Variants in ECPAS observed in about 807,000 individuals in gnomAD.
The protein encoded by ECPAS is Ecm29 proteasome adaptor and scaffold, also known as proteasome adapter and scaffold protein ECM29.
Under a neutral mutation model 255.1 loss-of-function variants are expected in ECPAS, and 70 were observed. That is an observed-to-expected ratio of 0.27 (90% CI 0.23 to 0.33). The LOEUF (loss-of-function observed/expected upper bound fraction) is 0.33. Ranked by LOEUF, ECPAS falls within the 10% of genes least tolerant of loss-of-function variation. The pLI is 1.00. For synonymous variants in ECPAS, 784 were observed against 775.0 expected, an observed-to-expected ratio of 1.01 and a Z score of -0.19; for missense variants, 1,817 against 2,206.4, an observed-to-expected ratio of 0.82 and a Z score of 3.54.
At chr9:111,366,436 T>A (rs2098120407) in intron 47 of ECPAS, 86 bp downstream of exon 47, 2 of 1,297,954 alleles carry the variant, frequency 1.5e-6, no homozygotes, top group Admixed American at 3.9e-5. Context: ...AGCTACCAGT[T>A]TTTAAATGTA....
rs976311065 is a variant in ECPAS, at chr9:111,381,993, C to T, written c.3803+1218G>A. On this transcript the variant is annotated intron_variant, in intron 35 of 49. Coordinates refer to ENST00000684092, the MANE Select transcript of ECPAS (RefSeq NM_001364929.1). Reference sequence around the variant, plus strand: ...AGATCTACAGGCTAAACTGAGTTCACGTTCAATTTTGTAAAACACACACAC... The same window carrying T: ...AGATCTACAGGCTAAACTGAGTTCATGTTCAATTTTGTAAAACACACACAC... 2.6e-4 allele frequency among the ~76,000 whole-genome samples: 38 copies of T among 146,428 alleles called. 1 individual carries two copies. Among genetic ancestry groups the T allele is most frequent in the Non-Finnish European group, 4.1e-4 (28 of 67,534 alleles).
At chr9:111,365,547 T>A (rs2098119424) in intron 48 of ECPAS, 1 of 152,086 alleles carries the variant, frequency 6.6e-6, no homozygotes. Context: ...ACACTTGTAA[T>A]CCCAGCTACT....
chr9:111,468,044 T>C (rs548248621), intron 2 of ECPAS, among the ~76,000 whole-genome samples: 1 of 152,008 alleles, frequency 6.6e-6, no homozygotes, highest in Non-Finnish European at 1.5e-5. Flanking sequence ...TCCCAGCTAC[T>C]AGGAAGGATG....
At chr9:111,423,142 C>T in intron 13 of ECPAS, 57 bp downstream of exon 13, 1 of 1,158,926 alleles carries the variant, frequency 8.6e-7, no homozygotes, top group East Asian at 2.6e-5. Flanking sequence ...TTAAATGCCA[C>T]ATAATTTTTC....
intron 24 of ECPAS, among the ~76,000 whole-genome samples, chr9:111,401,701 G>A (rs943884674): frequency 2.0e-5 from 3 of 152,062 alleles, no homozygotes; most frequent in Non-Finnish European, 2.9e-5. Context: ...TAGACCTCCC[G>A]CCAGGAATGC....
At chr9:111,428,242 A>T in intron 9 of ECPAS, 81 bp from the exon 10 acceptor site, 1 of 1,365,660 alleles carries the variant, frequency 7.3e-7, no homozygotes, top group Non-Finnish European at 1.0e-6. Context: ...CATCTTAATC[A>T]GTGGTCTCTC....
rs776855162 is a variant in ECPAS, at chr9:111,363,570, G to A, written c.5380+18C>T. 7.3e-6 allele frequency: 11 copies of A among 1,500,030 alleles called. No individual in the cohort carries two copies. The South Asian group carries it at 1.3e-4, about 17-fold the overall frequency. The allele number at this position is 1,500,030 out of a possible 1,614,324, so 92.9% of individuals were successfully genotyped here. A position where few individuals can be genotyped will look rare whatever the true frequency, so the allele number is the denominator to read the frequency against. On this transcript the variant is annotated intron_variant, in intron 49 of 49. Transcript: ENST00000684092. Reference sequence around the variant, plus strand: ...ACATGGCTTTATGGTCCCCCAGTCAGAACTAACAACAACTTACCTTCAAGT... The same window carrying A: ...ACATGGCTTTATGGTCCCCCAGTCAAAACTAACAACAACTTACCTTCAAGT...
chr9:111,378,205 C>A (rs2098135825), intron 36 of ECPAS, among the ~76,000 whole-genome samples: 1 of 151,986 alleles, frequency 6.6e-6, no homozygotes, highest in African/African-American at 2.4e-5. Context: ...CAGGTGACTC[C>A]ATTACACCTA....
At chr9:111,367,010 C>T (rs2098121159) in intron 46 of ECPAS, among the ~76,000 whole-genome samples, 1 of 152,174 alleles carries the variant, frequency 6.6e-6, no homozygotes, top group East Asian at 1.9e-4. Flanking sequence ...CCCTGAATGA[C>T]AGCCACAGAA....
At position 111,428,234 on chromosome 9, in the gene ECPAS, T is replaced by C. The variant is rs2098224596; in HGVS notation, c.931-73A>G. 26 of 1,417,436 alleles carry C rather than the reference T, an allele frequency of 1.8e-5. No homozygotes were observed. In the South Asian group the frequency reaches 2.4e-4, roughly 13 times the overall value. The allele number at this position is 1,417,436 out of a possible 1,614,324, so 87.8% of individuals were successfully genotyped here. ...GAACTGAAAATGTCATGAGAATTCA[T>C]CTTAATCAGTGGTCTCTCAAACTTT... is the stretch of plus-strand genomic sequence containing the variant. On this transcript the variant is annotated intron_variant, in intron 9 of 49. Coordinates refer to ENST00000684092, the MANE Select transcript of ECPAS (RefSeq NM_001364929.1).
chr9:111,400,169 T>G (rs2098173611), intron 24 of ECPAS, among the ~76,000 whole-genome samples: 1 of 152,206 alleles, frequency 6.6e-6, no homozygotes, highest in African/African-American at 2.4e-5. Context: ...TATCTAGGTA[T>G]CTGTAAGAGT....
intron 24 of ECPAS, among the ~76,000 whole-genome samples, chr9:111,404,180 C>A (rs1422224250): frequency 6.7e-6 from 1 of 149,158 alleles, no homozygotes; most frequent in African/African-American, 2.6e-5. Context: ...TTCAAATAAA[C>A]AACATAATGA....
Position 111,410,249 on chromosome 9 carries a change from C to G in ECPAS, c.2378-36G>C, listed in dbSNP as rs762257862. The G allele has an allele frequency of 3.8e-6, 6 of 1,562,576 alleles. No individual in the cohort carries two copies. The African/African-American group carries it at 8.2e-5, about 21-fold the overall frequency. On this transcript the variant is annotated intron_variant, in intron 22 of 49. Coordinates refer to ENST00000684092, the MANE Select transcript of ECPAS (RefSeq NM_001364929.1). ...ATTTAGCCAAAAAGAGAATTACATA[C>G]CATTATCCTTACGACCCAAAGCAAC...
At chr9:111,419,873 T>C (rs1310921308) in intron 16 of ECPAS, 144 bp downstream of exon 16, 1 of 560,508 alleles carries the variant, frequency 1.8e-6, no homozygotes, top group Admixed American at 2.6e-5. Flanking sequence ...TGAGTACAGG[T>C]CTATATCACA....
intron 3 of ECPAS, among the ~76,000 whole-genome samples, chr9:111,450,036 T>G (rs1233270787): frequency 6.6e-6 from 1 of 152,216 alleles, no homozygotes; most frequent in Non-Finnish European, 1.5e-5. Flanking sequence ...CATAAGAATA[T>G]ATTTCCTTTT....
At chr9:111,370,329 T>C in intron 45 of ECPAS, 106 bp downstream of exon 45, 2 of 708,664 alleles carry the variant, frequency 2.8e-6, no homozygotes, top group Non-Finnish European at 4.6e-6. Flanking sequence ...ATTTCTCTGC[T>C]ACTTGCAGCT....
At position 111,383,304 on chromosome 9, in the gene ECPAS, T is replaced by C. The variant is rs1423090125; in HGVS notation, c.3710A>G (p.Lys1237Arg). The C allele has an allele frequency of 1.2e-6, 2 of 1,612,424 alleles. No homozygotes were observed. Among genetic ancestry groups the C allele is most frequent in the Admixed American group, 1.7e-5 (1 of 59,824 alleles). Residue 1237 changes from lysine (K) to arginine (R), a missense_variant, in exon 35 of 50, where the codon AAA (lysine) becomes AGA (arginine). Coordinates refer to ENST00000684092, the MANE Select transcript of ECPAS (RefSeq NM_001364929.1). ...GATGGTTCTCTGGCCAGCTGCTCCT[T>C]TGGCAGGGTCACACATTTTCACACA... is the stretch of plus-strand genomic sequence containing the variant. ...KVCVKMCDPAKGAAGQRTIAA... is the reference protein window; with the variant it reads ...KVCVKMCDPARGAAGQRTIAA...
At chr9:111,483,571 G>T in intron 1 of ECPAS, 3 of 791,312 alleles carry the variant, frequency 3.8e-6, no homozygotes, top group Non-Finnish European at 4.6e-6. Context: ...ACGAGGGAGG[G>T]GCTGGGGGGG....
At chr9:111,377,266 T>C (rs1564501525) in intron 36 of ECPAS, among the ~76,000 whole-genome samples, 1 of 152,284 alleles carries the variant, frequency 6.6e-6, no homozygotes. Context: ...ACATGTTGTA[T>C]ATAACAGGGT....
Sources: gnomAD v4.1 joint callset for allele counts (sites outside exome capture counted in the v4.1 genomes callset) on GRCh38, gnomAD v4.1.1 for gene constraint, MANE v1.5 for transcripts, NCBI Gene and HGNC (gene_info 2026-07-23, HGNC 2026-07-21) for gene names.